NUP93: variants seen among roughly 807,000 people sequenced by gnomAD.
NUP93 encodes nuclear pore complex protein Nup93.
A neutral mutation model predicts 107.8 loss-of-function variants in NUP93; 55 were observed. The ratio of observed to expected loss-of-function variants is 0.51; its 90% CI spans 0.41 to 0.64. NUP93 has a LOEUF of 0.64. Among genes scored for constraint, NUP93 ranks in the 30% least tolerant of loss-of-function variants. The pLI, the probability that NUP93 is intolerant of heterozygous loss-of-function variation, is 0.00. For missense variants in NUP93, 937 were observed against 1,044.7 expected, an observed-to-expected ratio of 0.90 and a Z score of 1.42; for synonymous variants, 390 against 397.5, an observed-to-expected ratio of 0.98 and a Z score of 0.22.
At chr16:56,748,889 G>A (rs572798617) in intron 2 of NUP93, among the ~76,000 whole-genome samples, 9 of 152,332 alleles carry the variant, frequency 5.9e-5, no homozygotes, top group African/African-American at 2.2e-4. Context: ...AACCATCCAA[G>A]TGAGGAGTGA....
Position 56,808,722 on chromosome 16 carries a change from TATAA to T in NUP93, c.489+3094_489+3097del, listed in dbSNP as rs1390150106. ...ATATAAAAATACATATATAAATATA[TATAA>T]ATACATATATAAAATACATATATAA... On this transcript the variant is annotated intron_variant, in intron 5 of 21. Transcript: ENST00000308159. Among the ~76,000 whole-genome samples the T allele has an allele frequency of 2.4e-4, 7 of 29,584 alleles. No individual in the cohort carries two copies. In the African/African-American group the frequency reaches 2.6e-3, roughly 11 times the overall value. The allele number at this position is 29,584 out of a possible 152,430, so 19.4% of individuals were successfully genotyped here. A position where few individuals can be genotyped will look rare whatever the true frequency, so the allele number is the denominator to read the frequency against.
intron 20 of NUP93, among the ~76,000 whole-genome samples, chr16:56,840,842 C>A (rs1241205331): frequency 1.3e-5 from 2 of 152,016 alleles, no homozygotes; most frequent in South Asian, 2.1e-4. Flanking sequence ...CTAAAAAATA[C>A]AAAAATTAGC....
chr16:56,834,021 G>A (rs1419214524), intron 13 of NUP93, 107 bp from the exon 14 acceptor site: 2 of 1,493,842 alleles, frequency 1.3e-6, no homozygotes, highest in African/African-American at 1.4e-5. Flanking sequence ...TGACTGGGCT[G>A]CAGGAGTAGA....
At chr16:56,785,007 C>T (rs975513879) in intron 3 of NUP93, among the ~76,000 whole-genome samples, 2 of 152,132 alleles carry the variant, frequency 1.3e-5, no homozygotes, top group African/African-American at 2.4e-5. Flanking sequence ...TATTAACTTA[C>T]GGAATAAGAG....
chr16:56,788,108 A>G lies in NUP93; in HGVS notation c.298-10368A>G, dbSNP rs1596800753. On this transcript the variant is annotated intron_variant, in intron 3 of 21. Coordinates refer to ENST00000308159, the MANE Select transcript of NUP93 (RefSeq NM_014669.5). ...GGAAGGGGATAAAATGCTCACAGTT[A>G]TCCCTGCTTTCTCTCCTGGGGTTAC... Among the ~76,000 whole-genome samples, 3 of 152,306 alleles carry G rather than the reference A, an allele frequency of 2.0e-5. No homozygotes were observed. In the South Asian group the frequency reaches 6.2e-4, roughly 32 times the overall value.
chr16:56,845,197 A>G lies in NUP93; in HGVS notation c.*588A>G, dbSNP rs370167717. On this transcript the variant is annotated 3_prime_UTR_variant, in exon 22 of 22. Coordinates refer to ENST00000308159, the MANE Select transcript of NUP93 (RefSeq NM_014669.5). ...TTCATCAGTTTGCCGTTCTGTTGCA[A>G]TCCCAGTGGAGATAAAAGCATAGAC... 4.3e-4 allele frequency: 74 copies of G among 170,390 alleles called. No homozygotes were observed. Among genetic ancestry groups the G allele is most frequent in the African/African-American group, 1.7e-3 (73 of 42,142 alleles). 10.6% of individuals were successfully genotyped at this position (170,390 alleles called of 1,614,324 possible). A position where few individuals can be genotyped will look rare whatever the true frequency, so the allele number is the denominator to read the frequency against.
At chr16:56,826,740 A>G (rs1310702474) in intron 8 of NUP93, among the ~76,000 whole-genome samples, 1 of 151,678 alleles carries the variant, frequency 6.6e-6, no homozygotes, top group African/African-American at 2.4e-5. Context: ...ATTTTTTTTC[A>G]TAACTGCATA....
At chr16:56,808,201 TAA>T (rs1963201454) in intron 5 of NUP93, among the ~76,000 whole-genome samples, 2 of 122,752 alleles carry the variant, frequency 1.6e-5, no homozygotes, top group South Asian at 4.7e-4. Context: ...TATAACTATA[TAA>T]AATATATAGT....
intron 2 of NUP93, among the ~76,000 whole-genome samples, chr16:56,758,315 G>A (rs1215794537): frequency 1.3e-5 from 2 of 152,160 alleles, no homozygotes; most frequent in African/African-American, 4.8e-5. Flanking sequence ...ATTCAGGCAT[G>A]ATTAGAACTT....
At chr16:56,744,318 G>A (rs59799815) in intron 1 of NUP93, among the ~76,000 whole-genome samples, 1 of 152,114 alleles carries the variant, frequency 6.6e-6, no homozygotes, top group African/African-American at 2.4e-5. Flanking sequence ...TTGATTTAGT[G>A]GTTTAATCTC....
At chr16:56,746,322 CT>C (rs1961820220) in intron 1 of NUP93, among the ~76,000 whole-genome samples, 1 of 152,194 alleles carries the variant, frequency 6.6e-6, no homozygotes, top group East Asian at 1.9e-4. Flanking sequence ...AAAAATGCCC[CT>C]CTTCTCAAAA....
intron 5 of NUP93, among the ~76,000 whole-genome samples, chr16:56,808,553 TAAAA>T (rs1156543943): frequency 2.3e-5 from 3 of 127,756 alleles, no homozygotes; most frequent in South Asian, 4.6e-4. Flanking sequence ...TATAAATATA[TAAAA>T]ATATATAAAT....
chr16:56,755,972 G>C lies in NUP93; in HGVS notation c.180-2566G>C, dbSNP rs544802912. Among the ~76,000 whole-genome samples the C allele has an allele frequency of 1.1e-4, 16 of 152,218 alleles. No individual in the cohort carries two copies. The South Asian group carries it at 3.3e-3, about 32-fold the overall frequency. On this transcript the variant is annotated intron_variant, in intron 2 of 21. Transcript: ENST00000308159. ...CATCCTTAGTTCCTGCTACTTGGGA[G>C]GCTGAGACAGGAGGATCTCTAGAGC...
intron 5 of NUP93, among the ~76,000 whole-genome samples, chr16:56,808,188 TTA>T (rs1963199539): frequency 4.0e-5 from 5 of 125,470 alleles, no homozygotes; most frequent in African/African-American, 9.3e-5. Context: ...AAATATATAG[TTA>T]TATAACTATA....
chr16:56,798,680 C>T, intron 4 of NUP93, 142 bp downstream of exon 4: 1 of 683,274 alleles, frequency 1.5e-6, no homozygotes, highest in South Asian at 1.9e-5. Context: ...TCAGCCTAGG[C>T]AACATAGTGA....
In NUP93 at chr16:56,798,505, C is replaced by G; in HGVS notation, c.327C>G (p.Ala109=). The G allele has an allele frequency of 6.2e-7, 1 of 1,613,990 alleles. No homozygotes were observed. Among genetic ancestry groups the G allele is most frequent in the Admixed American group, 1.7e-5 (1 of 60,008 alleles). The part of the protein sequence containing the change: ...QGFLKNEKDN[A]LLSAIEESRK... The stretch of plus-strand genomic sequence containing the variant: ...TCCTGAAGAATGAGAAGGACAATGC[C>G]CTGCTGTCTGCCATCGAAGAGTCCC... The change falls in exon 4 of 22, where the codon GCC becomes GCG. Residue 109 remains alanine, a synonymous_variant. Transcript: ENST00000308159.
rs745995924 is a variant in NUP93 at position 56,834,244 on chromosome 16, T to C, written c.1654T>C (p.Tyr552His). ...CCCAAGGGAGGCCCTCCAGTACTTC[T>C]ATTTCCTCAGGTAACATTTGCTTTT... is the stretch of plus-strand genomic sequence containing the variant. ...TDPREALQYF[Y>H]FLRDEKDSQG... The change falls in exon 14 of 22, where the codon TAT becomes CAT. Residue 552 changes from tyrosine to histidine, a missense_variant. Transcript: ENST00000308159. 3 of 1,614,150 alleles carry C rather than the reference T, an allele frequency of 1.9e-6. No individual in the cohort carries two copies. The highest frequency in any genetic ancestry group is 2.5e-6 in the Non-Finnish European group (3 of 1,179,962).
At chr16:56,839,885 G>A (rs1182218533) in intron 20 of NUP93, 4 of 401,128 alleles carry the variant, frequency 1.0e-5, no homozygotes, top group Non-Finnish European at 1.4e-5. Flanking sequence ...TGTGAAGTCT[G>A]GTTTAATTCT....
chr16:56,731,102 T>C (rs923678239), intron 1 of NUP93, among the ~76,000 whole-genome samples: 2 of 152,216 alleles, frequency 1.3e-5, no homozygotes, highest in African/African-American at 4.8e-5. Context: ...TTTATTTTCA[T>C]TGATGGTGAT....
Sources: gnomAD v4.1 joint callset for allele counts (sites outside exome capture counted in the v4.1 genomes callset) on GRCh38, gnomAD v4.1.1 for gene constraint, MANE v1.5 for transcripts, NCBI Gene and HGNC (gene_info 2026-07-23, HGNC 2026-07-21) for gene names.